Variants in ITGA8 observed in about 807,000 individuals in gnomAD.
The protein encoded by ITGA8 is integrin alpha-8.
ITGA8 carries 91 observed loss-of-function variants against 142.3 expected under a neutral mutation model. The ratio of observed to expected loss-of-function variants is 0.64; its 90% confidence interval spans 0.54 to 0.76. ITGA8 has a LOEUF of 0.76. Among genes scored for constraint, ITGA8 ranks in the 30% least tolerant of loss-of-function variants. ITGA8 has a pLI of 0.00. For synonymous variants in ITGA8, 505 were observed against 485.2 expected (o/e 1.04, Z -0.54); for missense variants, 1,406 against 1,327.7 (o/e 1.06, Z -0.92).
chr10:15,543,165 C>A (rs530163372), intron 27 of ITGA8, among the ~76,000 whole-genome samples: 1 of 152,108 alleles, frequency 6.6e-6, no homozygotes, highest in Non-Finnish European at 1.5e-5. Flanking sequence ...GAATTTGAGC[C>A]CCATGAAAGT....
chr10:15,586,108 G>A (rs1321059036), intron 23 of ITGA8, among the ~76,000 whole-genome samples: 1 of 143,310 alleles, frequency 7.0e-6, no homozygotes, highest in East Asian at 2.0e-4. Flanking sequence ...ACCCAGGCTG[G>A]AGTGCAATGG....
intron 11 of ITGA8, among the ~76,000 whole-genome samples, chr10:15,653,362 T>A (rs187463704): frequency 6.6e-6 from 1 of 152,192 alleles, no homozygotes; most frequent in Admixed American, 6.5e-5. Flanking sequence ...TTTAGAGCAG[T>A]TTTAGATTGT....
intron 6 of ITGA8, 69 bp downstream of exon 6, chr10:15,677,523 A>G: frequency 1.6e-6 from 2 of 1,234,176 alleles, no homozygotes; most frequent in Non-Finnish European, 2.3e-6. Context: ...AACATTTAAC[A>G]CTACTTCTGG....
At chr10:15,659,765 C>G (rs1834251544) in intron 9 of ITGA8, among the ~76,000 whole-genome samples, 1 of 152,114 alleles carries the variant, frequency 6.6e-6, no homozygotes, top group African/African-American at 2.4e-5. Context: ...GGAGAAGACA[C>G]ATGTAGACAG....
chr10:15,676,138 C>A (rs1834625882), intron 6 of ITGA8, among the ~76,000 whole-genome samples: 1 of 152,142 alleles, frequency 6.6e-6, no homozygotes, highest in South Asian at 2.1e-4. Context: ...CCTTGACTTT[C>A]CTCCATTCTC....
rs114969547 is a variant in ITGA8, at chr10:15,631,796, C to A, written c.1399+12234G>T. ...CATTGGACTTCTAGCCCCACCCCCCCCAAAAAAAGCCATGGCTAAGCAGCA... is the reference window on the plus strand; with the variant it reads ...CATTGGACTTCTAGCCCCACCCCCCACAAAAAAAGCCATGGCTAAGCAGCA... On this transcript the variant is annotated intron_variant, in intron 13 of 29. Coordinates refer to ENST00000378076, the MANE Select transcript of ITGA8 (RefSeq NM_003638.3). Among the ~76,000 whole-genome samples, 1,166 of 151,054 alleles carry A rather than the reference C, an allele frequency of 7.7e-3. 34 individuals carry two copies. Among genetic ancestry groups the A allele is most frequent in the African/African-American group, 0.027 (1,100 of 40,942 alleles).
intron 13 of ITGA8, among the ~76,000 whole-genome samples, chr10:15,637,747 C>A (rs906641908): frequency 4.0e-5 from 6 of 151,860 alleles, no homozygotes; most frequent in African/African-American, 1.5e-4. Context: ...CCTGCCCTGG[C>A]CTGCCAAAGT....
chr10:15,669,605 G>GAATTTT (rs1834469088), intron 8 of ITGA8, among the ~76,000 whole-genome samples: 1 of 151,906 alleles, frequency 6.6e-6, no homozygotes, highest in Admixed American at 6.6e-5. Flanking sequence ...CTGATTTTTA[G>GAATTTT]CAGTTGTTCT....
chr10:15,517,034 G>GC lies in ITGA8; in HGVS notation c.*123_*124insG. 4.0e-6 allele frequency: 2 copies of GC among 501,746 alleles called. No homozygotes were observed. Among genetic ancestry groups the GC allele is most frequent in the South Asian group, 3.8e-5 (1 of 26,498 alleles). The allele number at this position is 501,746 out of a possible 1,614,324, so 31.1% of individuals were successfully genotyped here. On this transcript the variant is annotated 3_prime_UTR_variant, in exon 30 of 30. Coordinates refer to ENST00000378076, the MANE Select transcript of ITGA8 (RefSeq NM_003638.3). The stretch of plus-strand genomic sequence containing the variant: ...GGTGTAGATGAGGTGATGTTTCCAG[G>GC]GTCCCCTCCATTTCCTGGGTCACTG...
At chr10:15,661,994 G>A (rs1378042627) in intron 8 of ITGA8, among the ~76,000 whole-genome samples, 1 of 152,158 alleles carries the variant, frequency 6.6e-6, no homozygotes, top group Non-Finnish European at 1.5e-5. Flanking sequence ...CTGTGGGTGA[G>A]GACAGATTCT....
intron 2 of ITGA8, among the ~76,000 whole-genome samples, chr10:15,706,065 C>G (rs770460746): frequency 5.9e-5 from 9 of 152,124 alleles, no homozygotes; most frequent in Non-Finnish European, 1.2e-4. Context: ...CCTGAGCTCT[C>G]AGTTTATTTA....
chr10:15,686,595 A>G (rs944032193), intron 3 of ITGA8, among the ~76,000 whole-genome samples: 27 of 152,222 alleles, frequency 1.8e-4, no homozygotes, highest in African/African-American at 6.3e-4. Flanking sequence ...CAAACCCGCT[A>G]TGTATACCCA....
intron 12 of ITGA8, among the ~76,000 whole-genome samples, chr10:15,646,259 C>A (rs1479496227): frequency 1.3e-5 from 2 of 152,148 alleles, no homozygotes; most frequent in Non-Finnish European, 2.9e-5. Flanking sequence ...AATATTTCTG[C>A]AAGTAAACAG....
chr10:15,542,809 A>G (rs1403649968), intron 27 of ITGA8, among the ~76,000 whole-genome samples: 31 of 152,214 alleles, frequency 2.0e-4, no homozygotes, highest in Non-Finnish European at 2.2e-4. Context: ...GTCCCACAGG[A>G]TTGCTGTAAG....
In ITGA8 at chr10:15,672,694, A is replaced by G; in HGVS notation, c.732T>C (p.Asp244=). The part of the protein sequence containing the change: ...ADIIANYSFK[D]ILRKLAGEKQ... ...TTTCTCCTGCCAGTTTCCTGAGGAT[A>G]TCCTTGAATGAGTAATTTGCAATGA... is the stretch of plus-strand genomic sequence containing the variant. The change falls in exon 7 of 30, where the codon GAT becomes GAC. Residue 244 remains aspartate (D), a synonymous_variant. Transcript: ENST00000378076. 1 of 1,613,868 alleles carries G rather than the reference A, an allele frequency of 6.2e-7. No homozygotes were observed.
At chr10:15,616,379 A>G in intron 14 of ITGA8, 135 bp downstream of exon 14, 2 of 710,580 alleles carry the variant, frequency 2.8e-6, no homozygotes, top group Non-Finnish European at 4.8e-6. Context: ...AGAGCAAAAA[A>G]TACCTCTAGA....
At chr10:15,634,319 T>C (rs983374590) in intron 13 of ITGA8, among the ~76,000 whole-genome samples, 3 of 152,160 alleles carry the variant, frequency 2.0e-5, no homozygotes, top group Admixed American at 1.3e-4. Context: ...ATAACTAATA[T>C]TTAGTGGCTG....
chr10:15,588,352 C>T (rs555977378), intron 22 of ITGA8, among the ~76,000 whole-genome samples: 4 of 152,134 alleles, frequency 2.6e-5, no homozygotes, highest in Non-Finnish European at 5.9e-5. Context: ...AATGGAGCAT[C>T]GCCACTAAAC....
At chr10:15,611,683 G>C (rs975170860) in intron 15 of ITGA8, 1 of 151,356 alleles carries the variant, frequency 6.6e-6, no homozygotes, top group Non-Finnish European at 1.5e-5. Flanking sequence ...AGTAGAGACA[G>C]GGTTTCACCA....
Sources: gnomAD v4.1 joint callset for allele counts (sites outside exome capture counted in the v4.1 genomes callset) on GRCh38, gnomAD v4.1.1 for gene constraint, MANE v1.5 for transcripts, NCBI Gene and HGNC (gene_info 2026-07-23, HGNC 2026-07-21) for gene names.